The following KIAA1328 variants were observed in gnomAD, a reference collection of about 807,000 sequenced individuals.
KIAA1328 encodes the protein KIAA1328.
KIAA1328 carries 52 observed loss-of-function variants against 68.1 expected under a neutral mutation model. That is an observed-to-expected ratio of 0.76 (90% confidence interval 0.61 to 0.96). The LOEUF (loss-of-function observed/expected upper bound fraction) is 0.96, where lower values mean the gene tolerates loss of function less well. Among genes scored for constraint, KIAA1328 ranks in the 40% least tolerant of loss-of-function variants. The pLI is 0.00. For synonymous variants in KIAA1328, 232 were observed against 239.4 expected, an observed-to-expected ratio of 0.97 and a Z score of 0.28; for missense variants, 641 against 677.6, an observed-to-expected ratio of 0.95 and a Z score of 0.60.
intron 7 of KIAA1328, chr18:37,084,039 A>C (rs749302531): frequency 1.8e-6 from 1 of 568,258 alleles, no homozygotes; most frequent in Non-Finnish European, 2.7e-6. Context: ...CTGGGGATCT[A>C]GCTGAAAGAG....
Position 37,104,776 on chromosome 18 carries a change from AACAATAAAAAATGAAAGAACATTTC to A in KIAA1328, c.1232+37232_1232+37256del, listed in dbSNP as rs1189107819. On this transcript the variant is annotated intron_variant, in intron 7 of 9. Coordinates refer to ENST00000280020, the MANE Select transcript of KIAA1328 (RefSeq NM_020776.3). ...CCATAGATATGTATGATTAATATGT[AACAATAAAAAATGAAAGAACATTTC>A]TCAATAAATTGGCAAAATTGAAAAT... is the stretch of plus-strand genomic sequence containing the variant. Among the ~76,000 whole-genome samples the A allele has an allele frequency of 1.2e-4, 19 of 152,346 alleles. No individual in the cohort carries two copies. The East Asian group carries it at 3.3e-3, about 26-fold the overall frequency.
chr18:36,953,531 TA>T (rs1394807250), intron 5 of KIAA1328, among the ~76,000 whole-genome samples: 5 of 151,490 alleles, frequency 3.3e-5, no homozygotes, highest in Non-Finnish European at 7.4e-5. Flanking sequence ...TAAAATTTTA[TA>T]AAAATTTATT....
intron 5 of KIAA1328, chr18:36,923,768 T>G (rs2050015683): frequency 6.6e-6 from 1 of 152,226 alleles, no homozygotes; most frequent in African/African-American, 2.4e-5. Context: ...AAAATAAATT[T>G]TGTACCTGTT....
chr18:36,938,929 A>G (rs1455372608), intron 5 of KIAA1328, among the ~76,000 whole-genome samples: 5 of 152,104 alleles, frequency 3.3e-5, no homozygotes, highest in African/African-American at 4.8e-5. Flanking sequence ...TTTCTATCCT[A>G]TTCCATTGGT....
intron 9 of KIAA1328, among the ~76,000 whole-genome samples, chr18:37,216,899 C>CTTTTTTTTTTTTTT (rs762745405): frequency 5.5e-5 from 5 of 90,352 alleles, no homozygotes; most frequent in Non-Finnish European, 8.8e-5. Flanking sequence ...TTCTTTGTCT[C>CTTTTTTTTTTTTTT]TTTTTTTTTT....
At chr18:36,830,143 G>T (rs2046418993) in intron 1 of KIAA1328, among the ~76,000 whole-genome samples, 1 of 152,170 alleles carries the variant, frequency 6.6e-6, no homozygotes, top group South Asian at 2.1e-4. Flanking sequence ...GAATCACTGG[G>T]CATTCTTCTT....
chr18:37,161,531 T>C (rs1171247925), intron 8 of KIAA1328, among the ~76,000 whole-genome samples: 2 of 152,260 alleles, frequency 1.3e-5, no homozygotes, highest in Non-Finnish European at 2.9e-5. Flanking sequence ...TTAGAACAAC[T>C]TAGAAGCTTC....
At chr18:36,963,838 T>C (rs2051802318) in intron 6 of KIAA1328, among the ~76,000 whole-genome samples, 1 of 152,242 alleles carries the variant, frequency 6.6e-6, no homozygotes, top group South Asian at 2.1e-4. Context: ...AACAGGCATC[T>C]TGTTGCATTG....
intron 6 of KIAA1328, among the ~76,000 whole-genome samples, chr18:36,983,669 A>G (rs1385770540): frequency 2.0e-5 from 3 of 152,152 alleles, no homozygotes; most frequent in African/African-American, 7.2e-5. Context: ...GCCCAGAGGC[A>G]TCACTGGTAA....
In KIAA1328 at chr18:36,848,541, C is replaced by CTTTTTTTTTT. The variant is rs59271370; in HGVS notation, c.332+4254_332+4263dup. 3.4e-4 allele frequency among the ~76,000 whole-genome samples: 13 copies of CTTTTTTTTTT among 38,156 alleles called. 1 individual carries two copies. Among genetic ancestry groups the CTTTTTTTTTT allele is most frequent in the East Asian group, 8.9e-4 (1 of 1,128 alleles). The allele number at this position is 38,156 out of a possible 152,430, so 25.0% of individuals were successfully genotyped here. A position where few individuals can be genotyped will look rare whatever the true frequency, so the allele number is the denominator to read the frequency against. ...TTTTTTCCTTTCCAATCTATAGATG[C>CTTTTTTTTTT]TTTTTTTTTTTTTTTTTTTTTTTTG... On this transcript the variant is annotated intron_variant, in intron 4 of 9. Transcript: ENST00000280020.
chr18:36,834,764 A>G (rs1362178241), intron 2 of KIAA1328, among the ~76,000 whole-genome samples: 2 of 152,230 alleles, frequency 1.3e-5, no homozygotes, highest in African/African-American at 4.8e-5. Flanking sequence ...AGGCACCCTC[A>G]TTATATAGGG....
At chr18:37,119,902 A>G (rs1301537314) in intron 7 of KIAA1328, among the ~76,000 whole-genome samples, 1 of 152,158 alleles carries the variant, frequency 6.6e-6, no homozygotes, top group Non-Finnish European at 1.5e-5. Context: ...ACCATTCTCC[A>G]ATAAAAGAAG....
intron 6 of KIAA1328, among the ~76,000 whole-genome samples, chr18:37,057,463 T>C (rs906320526): frequency 4.0e-5 from 6 of 151,344 alleles, no homozygotes; most frequent in Admixed American, 6.6e-5. Flanking sequence ...AGTCTCACTC[T>C]GTCGCCCAGG....
At chr18:37,023,893 T>G (rs2054449604) in intron 6 of KIAA1328, among the ~76,000 whole-genome samples, 1 of 152,202 alleles carries the variant, frequency 6.6e-6, no homozygotes. Flanking sequence ...GGTGTACAGA[T>G]TATTTTGTCA....
At chr18:37,052,278 A>C (rs763200416) in intron 6 of KIAA1328, among the ~76,000 whole-genome samples, 1 of 152,192 alleles carries the variant, frequency 6.6e-6, no homozygotes, top group Non-Finnish European at 1.5e-5. Context: ...AAAAGCTTTC[A>C]ATAAAATCCA....
At chr18:36,998,932 A>C (rs961463650) in intron 6 of KIAA1328, among the ~76,000 whole-genome samples, 8 of 152,234 alleles carry the variant, frequency 5.3e-5, no homozygotes, top group Admixed American at 5.2e-4. Flanking sequence ...GATGTTAATC[A>C]AAAAGAAGTT....
At chr18:36,980,070 T>C (rs2052623297) in intron 6 of KIAA1328, among the ~76,000 whole-genome samples, 1 of 152,166 alleles carries the variant, frequency 6.6e-6, no homozygotes, top group Non-Finnish European at 1.5e-5. Context: ...TCCTCACCAG[T>C]GGAGGCAGCA....
intron 6 of KIAA1328, among the ~76,000 whole-genome samples, chr18:36,977,392 A>G (rs2052512329): frequency 6.6e-6 from 1 of 152,172 alleles, no homozygotes; most frequent in African/African-American, 2.4e-5. Flanking sequence ...ACACCTTTAC[A>G]CAGTGTTCAG....
At chr18:36,840,730 C>T (rs939118464) in intron 3 of KIAA1328, among the ~76,000 whole-genome samples, 26 of 152,142 alleles carry the variant, frequency 1.7e-4, no homozygotes, top group Admixed American at 1.7e-3. Flanking sequence ...GGATTATAGG[C>T]ATGAGCCACT....
Sources: gnomAD v4.1 joint callset for allele counts (sites outside exome capture counted in the v4.1 genomes callset) on GRCh38, gnomAD v4.1.1 for gene constraint, MANE v1.5 for transcripts, NCBI Gene and HGNC (gene_info 2026-07-23, HGNC 2026-07-21) for gene names.